Variants in PCDH7 observed in about 807,000 individuals in gnomAD.
The protein encoded by PCDH7 is protocadherin 7, also known as protocadherin-7.
Under a neutral mutation model 58.9 loss-of-function variants are expected in PCDH7, and 17 were observed. That is an observed-to-expected ratio of 0.29 (90% CI 0.20 to 0.43). PCDH7 has a LOEUF of 0.43. Among genes scored for constraint, PCDH7 ranks in the 20% least tolerant of loss-of-function variants. PCDH7 has a pLI of 1.00. For synonymous variants in PCDH7, 664 were observed against 616.4 expected, an observed-to-expected ratio of 1.08 and a Z score of -1.14; for missense variants, 1,274 against 1,441.0, an observed-to-expected ratio of 0.88 and a Z score of 1.88.
intron 1 of PCDH7, among the ~76,000 whole-genome samples, chr4:30,861,465 CA>C (rs1365456455): frequency 6.6e-6 from 1 of 152,108 alleles, no homozygotes; most frequent in Non-Finnish European, 1.5e-5. Context: ...AACACAATAA[CA>C]AAGAAATGAC....
At chr4:30,729,434 G>C (rs1715152294) in intron 1 of PCDH7, among the ~76,000 whole-genome samples, 1 of 151,908 alleles carries the variant, frequency 6.6e-6, no homozygotes, top group South Asian at 2.1e-4. Flanking sequence ...GAATTTTAAA[G>C]AAGTTAATAA....
At chr4:30,970,053 C>T (rs76965839) in intron 3 of PCDH7, among the ~76,000 whole-genome samples, 37 of 152,334 alleles carry the variant, frequency 2.4e-4, no homozygotes, top group East Asian at 2.1e-3. Context: ...CATTTTGCCT[C>T]ACCCAATGTG....
chr4:30,836,965 C>T (rs1730557895), intron 1 of PCDH7, among the ~76,000 whole-genome samples: 1 of 152,092 alleles, frequency 6.6e-6, no homozygotes, highest in African/African-American at 2.4e-5. Flanking sequence ...AGTTGAGGCT[C>T]CTCCTTGAGA....
chr4:30,885,785 T>G (rs1247178417), intron 1 of PCDH7, among the ~76,000 whole-genome samples: 1 of 152,034 alleles, frequency 6.6e-6, no homozygotes, highest in African/African-American at 2.4e-5. Context: ...TATAGATCAA[T>G]GGAACAGAAC....
chr4:31,032,653 A>AGG (rs1273259395), intron 3 of PCDH7, among the ~76,000 whole-genome samples: 122 of 88,934 alleles, frequency 1.4e-3, no homozygotes, highest in African/African-American at 5.6e-3. Context: ...ACAGAGAGAG[A>AGG]GAGAGGAAGG....
intron 3 of PCDH7, among the ~76,000 whole-genome samples, chr4:31,109,717 TGAA>T: frequency 6.6e-6 from 1 of 152,380 alleles, no homozygotes. Context: ...TTGAAACTAT[TGAA>T]GAAGACAAGG....
Position 30,799,977 on chromosome 4 carries a change from C to CT in PCDH7, c.70+75382dup, listed in dbSNP as rs1339172835. ...CATGCGATTCTTCCGCCTCAGCCTC[C>CT]TGAGTAGCTGGGACTACAGGCACAC... On this transcript the variant is annotated intron_variant, in intron 1 of 3. Coordinates refer to the PCDH7 transcript ENST00000509759. 3.3e-5 allele frequency among the ~76,000 whole-genome samples: 5 copies of CT among 151,932 alleles called. No homozygotes were observed. In the East Asian group the frequency reaches 9.7e-4, roughly 29 times the overall value.
At chr4:30,994,709 G>A (rs966360010) in intron 3 of PCDH7, among the ~76,000 whole-genome samples, 1 of 152,104 alleles carries the variant, frequency 6.6e-6, no homozygotes, top group Admixed American at 6.5e-5. Flanking sequence ...AAAAGTCAAA[G>A]CATATAAACT....
At chr4:30,775,007 A>G (rs1452247212) in intron 1 of PCDH7, among the ~76,000 whole-genome samples, 2 of 152,162 alleles carry the variant, frequency 1.3e-5, no homozygotes, top group Non-Finnish European at 2.9e-5. Flanking sequence ...GTTTTATAGA[A>G]TTTAACTTGA....
At chr4:31,003,992 A>C (rs561682273) in intron 3 of PCDH7, among the ~76,000 whole-genome samples, 1 of 152,186 alleles carries the variant, frequency 6.6e-6, no homozygotes, top group African/African-American at 2.4e-5. Context: ...GTCTAGGAAA[A>C]AGAATGTCAT....
intron 3 of PCDH7, among the ~76,000 whole-genome samples, chr4:31,117,505 C>A (rs1441191236): frequency 6.6e-6 from 1 of 151,776 alleles, no homozygotes; most frequent in African/African-American, 2.4e-5. Flanking sequence ...TTCATTTATC[C>A]CCCAATTTTT....
chr4:30,771,309 A>T (rs542823510), intron 1 of PCDH7, among the ~76,000 whole-genome samples: 30 of 152,338 alleles, frequency 2.0e-4, no homozygotes, highest in Non-Finnish European at 4.0e-4. Flanking sequence ...CAGAAGTTGT[A>T]CTTCATTGTC....
chr4:31,118,725 T>C (rs1717293608), intron 3 of PCDH7, among the ~76,000 whole-genome samples: 1 of 152,170 alleles, frequency 6.6e-6, no homozygotes, highest in Non-Finnish European at 1.5e-5. Context: ...CCAATAGTGA[T>C]ACTTATGTAA....
intron 1 of PCDH7, among the ~76,000 whole-genome samples, chr4:30,803,614 T>C (rs963281701): frequency 6.6e-6 from 1 of 152,214 alleles, no homozygotes; most frequent in African/African-American, 2.4e-5. Flanking sequence ...ATTTATTTTT[T>C]ACTTTTTGTA....
intron 1 of PCDH7, among the ~76,000 whole-genome samples, chr4:30,873,675 G>A (rs1171367180): frequency 6.6e-6 from 1 of 151,964 alleles, no homozygotes; most frequent in Non-Finnish European, 1.5e-5. Context: ...TCAAAACTGA[G>A]TATTTTGCTG....
intron 3 of PCDH7, among the ~76,000 whole-genome samples, chr4:30,988,669 G>A (rs1372137604): frequency 6.6e-6 from 1 of 152,116 alleles, no homozygotes; most frequent in Non-Finnish European, 1.5e-5. Context: ...CTTTTGATAT[G>A]CAAATATTTT....
chr4:30,881,743 T>C (rs1410683997), intron 1 of PCDH7, among the ~76,000 whole-genome samples: 2 of 152,182 alleles, frequency 1.3e-5, no homozygotes, highest in African/African-American at 4.8e-5. Context: ...AAAATGGAAA[T>C]CTTCCTTTAT....
At chr4:31,135,251 G>T (rs555840383) in intron 3 of PCDH7, among the ~76,000 whole-genome samples, 2 of 152,276 alleles carry the variant, frequency 1.3e-5, no homozygotes, top group South Asian at 2.1e-4. Flanking sequence ...AAGATAGCAC[G>T]CTGGCAACCT....
chr4:30,861,943 G>C (rs1226580562), intron 1 of PCDH7, among the ~76,000 whole-genome samples: 1 of 152,008 alleles, frequency 6.6e-6, no homozygotes, highest in East Asian at 1.9e-4. Flanking sequence ...TTATAAGCTA[G>C]GTATAAATTC....
Sources: gnomAD v4.1 joint callset for allele counts (sites outside exome capture counted in the v4.1 genomes callset) on GRCh38, gnomAD v4.1.1 for gene constraint, MANE v1.5 for transcripts, NCBI Gene and HGNC (gene_info 2026-07-23, HGNC 2026-07-21) for gene names.